JAKMIP1: variants seen among roughly 807,000 people sequenced by gnomAD.
JAKMIP1 encodes janus kinase and microtubule interacting protein 1.
A neutral mutation model predicts 113.0 loss-of-function variants in JAKMIP1; 33 were observed. The observed-to-expected ratio is 0.29, with a 90% CI of 0.22 to 0.39. The LOEUF (loss-of-function observed/expected upper bound fraction) is 0.39. Among genes scored for constraint, JAKMIP1 ranks in the 10% least tolerant of loss-of-function variants. The pLI is 1.00. For synonymous variants in JAKMIP1, 480 were observed against 459.9 expected (o/e 1.04, Z -0.56); for missense variants, 813 against 1,080.5 (o/e 0.75, Z 3.47).
chr4:6,137,277 C>G lies in JAKMIP1; in HGVS notation c.-147-24280G>C, dbSNP rs1277479776. 1.3e-5 allele frequency among the ~76,000 whole-genome samples: 2 copies of G among 152,172 alleles called. No homozygotes were observed. Among genetic ancestry groups the G allele is most frequent in the Non-Finnish European group, 2.9e-5 (2 of 68,036 alleles). ...TCCCCGTGCCAGCAGCCGGGCTCAC[C>G]AGGGCCCACTGAGCCACAGCAGCCA... On this transcript the variant is annotated intron_variant, in intron 1 of 20. Transcript: ENST00000409021. The surrounding 1 kb of genome is among the most constrained non-coding windows in gnomAD (Gnocchi z 4.5).
chr4:6,111,490 G>A (rs1042628369), intron 2 of JAKMIP1, among the ~76,000 whole-genome samples: 5 of 152,232 alleles, frequency 3.3e-5, no homozygotes, highest in African/African-American at 1.2e-4. Flanking sequence ...ACCAGATGTT[G>A]ATGGGGCTTT....
chr4:6,092,179 C>T (rs531865074), intron 3 of JAKMIP1, among the ~76,000 whole-genome samples: 70 of 152,322 alleles, frequency 4.6e-4, no homozygotes, highest in African/African-American at 1.6e-3. Context: ...CCCTCCCAGC[C>T]GTCCTCACCT....
rs1290452986 is a variant in JAKMIP1, at chr4:6,188,596, G to A, written c.-148+11657C>T. Among the ~76,000 whole-genome samples, 1 of 152,198 alleles carries A rather than the reference G, an allele frequency of 6.6e-6. No individual in the cohort carries two copies. The highest frequency in any genetic ancestry group is 1.5e-5 in the Non-Finnish European group (1 of 68,032). Reference sequence around the variant, plus strand: ...GATGAAGGGAAGCTACAACCCAGGAGCAAATGAATCGTGAAATTCCAAATT... The same window carrying A: ...GATGAAGGGAAGCTACAACCCAGGAACAAATGAATCGTGAAATTCCAAATT... On this transcript the variant is annotated intron_variant, in intron 1 of 20. Coordinates refer to ENST00000409021, the MANE Select transcript of JAKMIP1 (RefSeq NM_001099433.2). The surrounding 1 kb of genome is among the most constrained non-coding windows in gnomAD (Gnocchi z 5.8).
At chr4:6,032,772 G>A (rs1298181711) in intron 19 of JAKMIP1, among the ~76,000 whole-genome samples, 1 of 152,232 alleles carries the variant, frequency 6.6e-6, no homozygotes, top group African/African-American at 2.4e-5. Flanking sequence ...GTGGCAGTTG[G>A]AAGGGGCTCT....
At chr4:6,118,416 T>C (rs994134728) in intron 1 of JAKMIP1, among the ~76,000 whole-genome samples, 9 of 151,964 alleles carry the variant, frequency 5.9e-5, no homozygotes, top group African/African-American at 1.9e-4. Flanking sequence ...CACAGACAAA[T>C]GACATGGAGG....
At chr4:6,055,855 TCGGGGCAGCCC>T (rs1716336161) in intron 12 of JAKMIP1, among the ~76,000 whole-genome samples, 3 of 139,068 alleles carry the variant, frequency 2.2e-5, no homozygotes, top group African/African-American at 8.3e-5. Context: ...TCCCCAGAGG[TCGGGGCAGCCC>T]TCCTTATTTC....
rs1726687346 is a variant in JAKMIP1, at chr4:6,186,679, A to T, written c.-148+13574T>A. Among the ~76,000 whole-genome samples the T allele has an allele frequency of 6.6e-6, 1 of 152,216 alleles. No homozygotes were observed. On this transcript the variant is annotated intron_variant, in intron 1 of 20. Transcript: ENST00000409021. This position sits in a 1 kb window ranked among gnomAD's most constrained non-coding sequence, Gnocchi z 5.5. The stretch of plus-strand genomic sequence containing the variant: ...TTGGTCTAGTGTTCTATAGGTTTCC[A>T]CTAGGTCTAATTGGTGTGCAGTGTT...
intron 2 of JAKMIP1, among the ~76,000 whole-genome samples, chr4:6,112,480 A>C (rs1379571808): frequency 6.6e-6 from 1 of 152,164 alleles, no homozygotes; most frequent in Non-Finnish European, 1.5e-5. Context: ...TCTTGCAGGT[A>C]AGAGAAATCA....
rs115532621 is a variant in JAKMIP1, at chr4:6,196,208, G to A, written c.-148+4045C>T. ...TTTCCAGTATGAGGTTGGTGCAAAA[G>A]TAATGGCAAAAACCGTGATTATTTT... On this transcript the variant is annotated intron_variant, in intron 1 of 20. Transcript: ENST00000409021. 5.9e-3 allele frequency among the ~76,000 whole-genome samples: 898 copies of A among 152,272 alleles called. 7 individuals are homozygous for A. The highest frequency in any genetic ancestry group is 9.5e-3 in the Non-Finnish European group (649 of 68,020).
chr4:6,186,068 G>GT lies in JAKMIP1; in HGVS notation c.-148+14184dup, dbSNP rs1182793374. Among the ~76,000 whole-genome samples, 1 of 152,150 alleles carries GT rather than the reference G, an allele frequency of 6.6e-6. No individual in the cohort carries two copies. The highest frequency in any genetic ancestry group is 1.5e-5 in the Non-Finnish European group (1 of 68,026). ...TGGACACAGCCAGCCACTCAACACAGTGTCTGGCTAGGGGCTACAGGAAGG... is the reference window on the plus strand; with the variant it reads ...TGGACACAGCCAGCCACTCAACACAGTTGTCTGGCTAGGGGCTACAGGAAGG... On this transcript the variant is annotated intron_variant, in intron 1 of 20. Transcript: ENST00000409021. The surrounding 1 kb of genome is among the most constrained non-coding windows in gnomAD (Gnocchi z 5.5).
At chr4:6,177,138 G>C (rs1381048485) in intron 1 of JAKMIP1, among the ~76,000 whole-genome samples, 1 of 152,202 alleles carries the variant, frequency 6.6e-6, no homozygotes, top group Non-Finnish European at 1.5e-5. Flanking sequence ...AACCAAAAGG[G>C]AGCTTCGGGT....
chr4:6,049,036 T>C lies in JAKMIP1; in HGVS notation c.1963-114A>G. 2 of 785,634 alleles carry C rather than the reference T, an allele frequency of 2.5e-6. No individual in the cohort carries two copies. The highest frequency in any genetic ancestry group is 5.3e-5 in the East Asian group (2 of 38,076). 48.7% of individuals were successfully genotyped at this position (785,634 alleles called of 1,614,324 possible). The stretch of plus-strand genomic sequence containing the variant: ...TTGTTGTTGTTTGTTTTATTATGTT[T>C]GTTTGTTTTGAGACGGAGTCTCTCT... On this transcript the variant is annotated intron_variant, in intron 15 of 20. Coordinates refer to ENST00000409021, the MANE Select transcript of JAKMIP1 (RefSeq NM_001099433.2). This position sits in a 1 kb window ranked among gnomAD's most constrained non-coding sequence, Gnocchi z 7.0.
intron 1 of JAKMIP1, among the ~76,000 whole-genome samples, chr4:6,113,695 C>T (rs1043121273): frequency 1.1e-4 from 17 of 152,326 alleles, no homozygotes; most frequent in East Asian, 7.7e-4. Context: ...GCCTAATCAC[C>T]GCCCCAAGCT....
chr4:6,119,434 C>T (rs192404878), intron 1 of JAKMIP1, among the ~76,000 whole-genome samples: 1 of 152,274 alleles, frequency 6.6e-6, no homozygotes, highest in Non-Finnish European at 1.5e-5. Context: ...ATCCCAGCTA[C>T]TTGGGAGGCT....
intron 2 of JAKMIP1, among the ~76,000 whole-genome samples, chr4:6,107,958 A>T (rs1714243026): frequency 6.6e-6 from 1 of 152,146 alleles, no homozygotes; most frequent in Non-Finnish European, 1.5e-5. Context: ...GACTTTCTGC[A>T]TCAGGGGTGG....
rs1717240871 is a variant in JAKMIP1 at position 6,061,261 on chromosome 4, C to T, written c.1561-754G>A. Among the ~76,000 whole-genome samples, 1 of 152,228 alleles carries T rather than the reference C, an allele frequency of 6.6e-6. No individual in the cohort carries two copies. The highest frequency in any genetic ancestry group is 2.4e-5 in the African/African-American group (1 of 41,462). On this transcript the variant is annotated intron_variant, in intron 10 of 20. Coordinates refer to ENST00000409021, the MANE Select transcript of JAKMIP1 (RefSeq NM_001099433.2). This position sits in a 1 kb window ranked among gnomAD's most constrained non-coding sequence, Gnocchi z 5.3. Reference sequence around the variant, plus strand: ...CAAAAATTATTCAGCCCACACAAAGCCTCACAGTTTCCCTCCTCTGACCTA... The same window carrying T: ...CAAAAATTATTCAGCCCACACAAAGTCTCACAGTTTCCCTCCTCTGACCTA...
intron 1 of JAKMIP1, among the ~76,000 whole-genome samples, chr4:6,152,417 G>T (rs1270710564): frequency 1.3e-5 from 2 of 152,028 alleles, no homozygotes. Flanking sequence ...CAACTGGCTG[G>T]GGAGCTGCCT....
rs2108890079 is a variant in JAKMIP1 at position 6,112,757 on chromosome 4, T to C, written c.94A>G (p.Ser32Gly). The change falls in exon 2 of 21, where the codon AGC (serine) becomes GGC (glycine). Residue 32 changes from serine (S) to glycine (G), a missense_variant. By Grantham distance (56) the Ser-to-Gly change is moderately conservative (BLOSUM62 0). Coordinates refer to ENST00000409021, the MANE Select transcript of JAKMIP1 (RefSeq NM_001099433.2). ...ANEELRAKLT[S>G]IQIEFQQEKS... ...TCCTGCTGGAACTCGATCTGAATGC[T>C]GGTCAGCTTGGCCCGCAGCTCCTCG... 3.1e-6 allele frequency: 5 copies of C among 1,614,090 alleles called. No homozygotes were observed. Among genetic ancestry groups the C allele is most frequent in the Non-Finnish European group, 4.2e-6 (5 of 1,180,018 alleles).
chr4:6,030,633 T>C (rs1222047569), intron 19 of JAKMIP1, among the ~76,000 whole-genome samples: 1 of 152,246 alleles, frequency 6.6e-6, no homozygotes, highest in Non-Finnish European at 1.5e-5. Context: ...AGCGGGCTGC[T>C]GGCCCTTGTC....
Sources: allele counts gnomAD v4.1 joint callset (sites outside exome capture counted in the v4.1 genomes callset), GRCh38; gene constraint gnomAD v4.1.1; non-coding constraint Gnocchi (gnomAD v3.1); transcripts MANE v1.5; gene names NCBI Gene and HGNC (gene_info 2026-07-23, HGNC 2026-07-21).